Variants in ELMOD1 observed in about 807,000 individuals in gnomAD.
The protein encoded by ELMOD1 is ELMO domain containing 1.
ELMOD1 carries 21 observed loss-of-function variants against 46.7 expected under a neutral mutation model. The observed-to-expected ratio is 0.45, with a 90% confidence interval of 0.32 to 0.65. The LOEUF is 0.65. ELMOD1 is among the 30% of genes least tolerant of loss of function. The pLI, the probability that ELMOD1 is intolerant of heterozygous loss-of-function variation, is 0.04. For missense variants in ELMOD1, 348 were observed against 407.8 expected, an observed-to-expected ratio of 0.85 and a Z score of 1.26; for synonymous variants, 122 against 138.2, an observed-to-expected ratio of 0.88 and a Z score of 0.82.
intron 9 of ELMOD1, chr11:107,653,341 G>T (rs1866558687): frequency 6.8e-6 from 1 of 146,938 alleles, no homozygotes; most frequent in Non-Finnish European, 1.5e-5. Context: ...AAGAAAGAGA[G>T]AGAGAGAGAG....
chr11:107,634,525 G>A (rs1866194739), intron 5 of ELMOD1, among the ~76,000 whole-genome samples: 1 of 152,114 alleles, frequency 6.6e-6, no homozygotes, highest in Non-Finnish European at 1.5e-5. Context: ...GATCACCTGA[G>A]GTCAGGAGTT....
chr11:107,626,639 C>T (rs1398683483), intron 2 of ELMOD1, among the ~76,000 whole-genome samples: 1 of 142,798 alleles, frequency 7.0e-6, no homozygotes, highest in African/African-American at 2.8e-5. Flanking sequence ...CTTTTCTTTC[C>T]CTCTCTCTTT....
At chr11:107,612,069 T>C (rs1393167630) in intron 1 of ELMOD1, among the ~76,000 whole-genome samples, 4 of 152,200 alleles carry the variant, frequency 2.6e-5, no homozygotes, top group Admixed American at 2.0e-4. Flanking sequence ...ATGCATATGT[T>C]CGTCACAGCA....
intron 3 of ELMOD1, 55 bp downstream of exon 3, chr11:107,630,617 C>A (rs1390013952): frequency 4.4e-6 from 7 of 1,601,378 alleles, no homozygotes; most frequent in Non-Finnish European, 5.1e-6. Context: ...ATGGAAGATA[C>A]GATGTTGTCT....
intron 1 of ELMOD1, among the ~76,000 whole-genome samples, chr11:107,595,921 T>C (rs974298994): frequency 2.6e-5 from 4 of 152,174 alleles, no homozygotes; most frequent in Non-Finnish European, 5.9e-5. Context: ...GTACTCTATA[T>C]GATATTTAAG....
chr11:107,613,210 A>C (rs1328253700), intron 1 of ELMOD1, among the ~76,000 whole-genome samples: 1 of 152,202 alleles, frequency 6.6e-6, no homozygotes, highest in Non-Finnish European at 1.5e-5. Context: ...AGAATGACAA[A>C]ATTATAATAC....
chr11:107,595,921 TGATATTTAA>T (rs1197078561), intron 1 of ELMOD1, among the ~76,000 whole-genome samples: 3 of 152,292 alleles, frequency 2.0e-5, no homozygotes, highest in Non-Finnish European at 4.4e-5. Context: ...GTACTCTATA[TGATATTTAA>T]GATGCCATCA....
intron 10 of ELMOD1, 139 bp from the exon 11 acceptor site, chr11:107,655,794 C>A: frequency 1.1e-6 from 1 of 906,526 alleles, no homozygotes; most frequent in Non-Finnish European, 1.6e-6. Context: ...CCCTTTTAGA[C>A]CATAAAGTGA....
At chr11:107,657,392 C>T (rs775402367) in intron 11 of ELMOD1, among the ~76,000 whole-genome samples, 11 of 151,934 alleles carry the variant, frequency 7.2e-5, no homozygotes, top group Non-Finnish European at 1.2e-4. Context: ...AAAAATAAAA[C>T]ATTAGCCAGC....
intron 2 of ELMOD1, 149 bp downstream of exon 2, chr11:107,618,355 C>A: frequency 1.1e-6 from 1 of 934,576 alleles, no homozygotes; most frequent in Non-Finnish European, 1.7e-6. Flanking sequence ...CTAAGAATAA[C>A]TTGGCCATGA....
intron 1 of ELMOD1, among the ~76,000 whole-genome samples, chr11:107,602,676 G>A (rs1865620454): frequency 6.8e-6 from 1 of 147,730 alleles, no homozygotes; most frequent in Non-Finnish European, 1.5e-5. Context: ...AAATTATGAT[G>A]TTTTAATAGT....
chr11:107,661,936 A>T (rs924826649), intron 11 of ELMOD1, among the ~76,000 whole-genome samples: 1 of 152,208 alleles, frequency 6.6e-6, no homozygotes, highest in Non-Finnish European at 1.5e-5. Flanking sequence ...GTTGATGTGC[A>T]CATTTTTCCA....
chr11:107,630,292 G>C, intron 2 of ELMOD1, 125 bp from the exon 3 acceptor site: 1 of 783,730 alleles, frequency 1.3e-6, no homozygotes, highest in South Asian at 2.1e-5. Context: ...AGAAACATAT[G>C]TTAAGTATAA....
intron 2 of ELMOD1, chr11:107,623,794 T>C (rs1014539828): frequency 6.6e-6 from 1 of 152,218 alleles, no homozygotes; most frequent in African/African-American, 2.4e-5. Context: ...TGAAAATAAG[T>C]TCTTGACTCA....
At chr11:107,633,431 T>G (rs1866175137) in intron 5 of ELMOD1, among the ~76,000 whole-genome samples, 2 of 152,170 alleles carry the variant, frequency 1.3e-5, no homozygotes, top group Admixed American at 1.3e-4. Context: ...ATTTATTTAT[T>G]TATTTTAATC....
chr11:107,591,887 G>T, intron 1 of ELMOD1: 1 of 491,486 alleles, frequency 2.0e-6, no homozygotes, highest in East Asian at 6.2e-5. Flanking sequence ...GCCGGACTGT[G>T]GGGTCCTCCG....
At position 107,599,358 on chromosome 11, in the gene ELMOD1, G is replaced by A. The variant is rs73557718; in HGVS notation, c.-86+7949G>A. 5.4e-3 allele frequency among the ~76,000 whole-genome samples: 806 copies of A among 150,112 alleles called. 6 individuals are homozygous for A. Among genetic ancestry groups the A allele is most frequent in the African/African-American group, 0.019 (777 of 41,082 alleles). Reference sequence around the variant, plus strand: ...ATTGTTACTTTTTTCTGCTCAACTCGTCTACCATATTTTACTGAATCTAAA... The same window carrying A: ...ATTGTTACTTTTTTCTGCTCAACTCATCTACCATATTTTACTGAATCTAAA... On this transcript the variant is annotated intron_variant, in intron 1 of 11. Coordinates refer to ENST00000265840, the MANE Select transcript of ELMOD1 (RefSeq NM_018712.4).
chr11:107,613,159 A>C (rs183691835), intron 1 of ELMOD1, among the ~76,000 whole-genome samples: 2 of 152,316 alleles, frequency 1.3e-5, no homozygotes, highest in African/African-American at 4.8e-5. Flanking sequence ...GTGATTCTTC[A>C]CTTGACAAAA....
intron 1 of ELMOD1, among the ~76,000 whole-genome samples, chr11:107,607,142 G>C (rs561263241): frequency 1.5e-4 from 23 of 152,266 alleles, no homozygotes; most frequent in African/African-American, 5.3e-4. Context: ...ATCTGTTTCT[G>C]TTTGATTCCA....
Sources: allele counts gnomAD v4.1 joint callset (sites outside exome capture counted in the v4.1 genomes callset), GRCh38; gene constraint gnomAD v4.1.1; transcripts MANE v1.5; gene names NCBI Gene and HGNC (gene_info 2026-07-23, HGNC 2026-07-21).